Variants in DCC observed in about 807,000 individuals in gnomAD.
DCC encodes DCC netrin 1 receptor.
In DCC, 58 loss-of-function variants were observed where a neutral mutation model predicts 172.5. The ratio of observed to expected loss-of-function variants is 0.34; its 90% CI spans 0.27 to 0.42. The LOEUF (loss-of-function observed/expected upper bound fraction) is 0.42, where lower values mean the gene tolerates loss of function less well. DCC is among the 10% of genes least tolerant of loss of function. DCC has a pLI of 1.00. For synonymous variants in DCC, 709 were observed against 644.5 expected, an observed-to-expected ratio of 1.10 and a Z score of -1.52; for missense variants, 1,740 against 1,791.0, an observed-to-expected ratio of 0.97 and a Z score of 0.51.
intron 25 of DCC, among the ~76,000 whole-genome samples, chr18:53,475,914 C>T (rs1004047507): frequency 2.6e-5 from 4 of 152,172 alleles, no homozygotes; most frequent in African/African-American, 9.7e-5. Context: ...CCCTGCAGAG[C>T]CACAGGGACG....
Position 52,969,584 on chromosome 18 carries a change from A to ACTCTCTCTCT in DCC, c.985+44243_985+44252dup, listed in dbSNP as rs56024197. 8.6e-3 allele frequency among the ~76,000 whole-genome samples: 1,025 copies of ACTCTCTCTCT among 119,438 alleles called. 14 individuals are homozygous for ACTCTCTCTCT. Among genetic ancestry groups the ACTCTCTCTCT allele is most frequent in the Non-Finnish European group, 0.011 (628 of 59,440 alleles). 78.4% of individuals were successfully genotyped at this position (119,438 alleles called of 152,430 possible). On this transcript the variant is annotated intron_variant, in intron 5 of 28. Coordinates refer to ENST00000442544, the MANE Select transcript of DCC (RefSeq NM_005215.4). ...AATTTCCTTATTTGCCCCGCCCCCC[A>ACTCTCTCTCT]CTCTCTCTCTCTCTCTCTCTCTCTC...
At chr18:53,336,941 A>G (rs1382387302) in intron 14 of DCC, among the ~76,000 whole-genome samples, 1 of 152,220 alleles carries the variant, frequency 6.6e-6, no homozygotes, top group Non-Finnish European at 1.5e-5. Context: ...CTTACGTACT[A>G]ACATTTTTTT....
chr18:52,763,462 G>T (rs2037194377), intron 2 of DCC, among the ~76,000 whole-genome samples: 1 of 152,192 alleles, frequency 6.6e-6, no homozygotes, highest in Non-Finnish European at 1.5e-5. Context: ...GGCACTCCAT[G>T]AGCCAACCTT....
chr18:53,100,824 A>C (rs1426204518), intron 7 of DCC, among the ~76,000 whole-genome samples: 1 of 152,120 alleles, frequency 6.6e-6, no homozygotes, highest in Non-Finnish European at 1.5e-5. Flanking sequence ...AGCTTGCAAA[A>C]AAAATGGGCA....
At chr18:52,873,479 T>C (rs1483059731) in intron 2 of DCC, among the ~76,000 whole-genome samples, 1 of 152,232 alleles carries the variant, frequency 6.6e-6, no homozygotes, top group Non-Finnish European at 1.5e-5. Context: ...TCAACTTGGA[T>C]TATAGCTTTA....
At chr18:52,526,621 C>T (rs1351177333) in intron 1 of DCC, among the ~76,000 whole-genome samples, 1 of 152,076 alleles carries the variant, frequency 6.6e-6, no homozygotes, top group Non-Finnish European at 1.5e-5. Context: ...TTAGGTACTT[C>T]ATGAGACTTC....
At chr18:52,483,167 T>A (rs1173249178) in intron 1 of DCC, among the ~76,000 whole-genome samples, 1 of 152,036 alleles carries the variant, frequency 6.6e-6, no homozygotes, top group Admixed American at 6.6e-5. Context: ...CTTCCTCTAA[T>A]AAGGATGTGT....
chr18:52,811,129 C>CA (rs374967174), intron 2 of DCC, among the ~76,000 whole-genome samples: 30 of 152,180 alleles, frequency 2.0e-4, no homozygotes, highest in African/African-American at 5.5e-4. Context: ...CTTAAAAAAA[C>CA]AAAAAACAAC....
intron 7 of DCC, among the ~76,000 whole-genome samples, chr18:53,128,027 C>A (rs1484931770): frequency 3.9e-5 from 6 of 152,070 alleles, no homozygotes; most frequent in Non-Finnish European, 8.8e-5. Context: ...ACCTCAGATT[C>A]TTTACTTGCA....
intron 12 of DCC, among the ~76,000 whole-genome samples, chr18:53,218,993 T>C (rs2055892983): frequency 1.3e-5 from 2 of 152,106 alleles, no homozygotes; most frequent in South Asian, 4.1e-4. Context: ...GTTTAGAGGA[T>C]GATAGAATTC....
At chr18:52,899,191 C>T (rs2039774878) in intron 2 of DCC, among the ~76,000 whole-genome samples, 1 of 151,932 alleles carries the variant, frequency 6.6e-6, no homozygotes, top group African/African-American at 2.4e-5. Flanking sequence ...TCTCTGCCAC[C>T]CAGGCTGGAG....
intron 1 of DCC, among the ~76,000 whole-genome samples, chr18:52,647,177 G>A (rs1028386701): frequency 1.5e-4 from 23 of 152,138 alleles, no homozygotes; most frequent in African/African-American, 5.5e-4. Context: ...CAGTAAAGGG[G>A]TTGTCATCCA....
intron 27 of DCC, among the ~76,000 whole-genome samples, chr18:53,522,324 A>T (rs1386918440): frequency 6.6e-6 from 1 of 152,084 alleles, no homozygotes; most frequent in Non-Finnish European, 1.5e-5. Context: ...AACCATTCAC[A>T]TCCAGTGAAG....
At chr18:52,815,419 CACA>C (rs2038276793) in intron 2 of DCC, among the ~76,000 whole-genome samples, 1 of 150,982 alleles carries the variant, frequency 6.6e-6, no homozygotes, top group South Asian at 2.1e-4. Context: ...CGTACACACA[CACA>C]CACACACACA....
At chr18:53,304,712 T>G (rs768231515) in intron 12 of DCC, among the ~76,000 whole-genome samples, 1 of 152,198 alleles carries the variant, frequency 6.6e-6, no homozygotes, top group Non-Finnish European at 1.5e-5. Context: ...TTGGAAGTCC[T>G]ACCTTCCAAG....
At chr18:53,430,547 C>G (rs1911547896) in intron 21 of DCC, among the ~76,000 whole-genome samples, 1 of 152,094 alleles carries the variant, frequency 6.6e-6, no homozygotes, top group African/African-American at 2.4e-5. Flanking sequence ...GGAAAAGATT[C>G]TCAATCTGCC....
At chr18:52,676,099 C>G (rs1237074549) in intron 1 of DCC, among the ~76,000 whole-genome samples, 1 of 152,178 alleles carries the variant, frequency 6.6e-6, no homozygotes, top group Non-Finnish European at 1.5e-5. Flanking sequence ...TTTAGCAAAA[C>G]AAGCTAGATG....
At chr18:52,649,158 G>T (rs1234609579) in intron 1 of DCC, among the ~76,000 whole-genome samples, 1 of 152,110 alleles carries the variant, frequency 6.6e-6, no homozygotes, top group African/African-American at 2.4e-5. Context: ...TGGATCATGA[G>T]GTCAGGAGAT....
chr18:52,516,456 T>C (rs2031644412), intron 1 of DCC, among the ~76,000 whole-genome samples: 1 of 152,202 alleles, frequency 6.6e-6, no homozygotes, highest in Non-Finnish European at 1.5e-5. Context: ...TATTTGTGTG[T>C]GATACTTTAT....
Sources: allele counts gnomAD v4.1 joint callset (sites outside exome capture counted in the v4.1 genomes callset), GRCh38; gene constraint gnomAD v4.1.1; transcripts MANE v1.5; gene names NCBI Gene and HGNC (gene_info 2026-07-23, HGNC 2026-07-21).